APPL1: variants seen among roughly 807,000 people sequenced by gnomAD.
APPL1 encodes DCC-interacting protein 13-alpha.
In APPL1, 42 loss-of-function variants were observed where a neutral mutation model predicts 106.8. The observed-to-expected ratio is 0.39, with a 90% confidence interval of 0.31 to 0.51. APPL1 has a LOEUF of 0.51. Among genes scored for constraint, APPL1 ranks in the 20% least tolerant of loss-of-function variants. The probability of loss-of-function intolerance (pLI) is 0.75; values close to 1 mark genes in which losing one functional copy is unlikely to be tolerated. For missense variants in APPL1, 769 were observed against 858.2 expected (o/e 0.90, Z 1.30); for synonymous variants, 263 against 281.8 (o/e 0.93, Z 0.67).
intron 20 of APPL1, 169 bp from the exon 21 acceptor site, chr3:57,268,229 C>T: frequency 1.6e-6 from 1 of 639,028 alleles, no homozygotes; most frequent in Admixed American, 3.0e-5. Context: ...ACCAACATAG[C>T]ATTTAGAATT....
At chr3:57,253,315 A>G (rs1366122398) in intron 12 of APPL1, among the ~76,000 whole-genome samples, 1 of 152,156 alleles carries the variant, frequency 6.6e-6, no homozygotes, top group African/African-American at 2.4e-5. Context: ...AAGTGATATA[A>G]AAAGATAAAT....
chr3:57,257,296 C>T lies in APPL1; in HGVS notation c.1298C>T (p.Ser433Phe). ...ACCAGCAGTTCAGGATCCTTAGGAT[C>T]TGAGTCTACAAATTTGGCTGCCCTC... ...ARTSSSGSLG[S>F]ESTNLAALSL... Residue 433 changes from serine to phenylalanine, a missense_variant, in exon 15 of 22, where the codon TCT becomes TTT. Transcript: ENST00000288266. 6.2e-7 allele frequency: 1 copy of T among 1,614,158 alleles called. No individual in the cohort carries two copies. The highest frequency in any genetic ancestry group is 8.5e-7 in the Non-Finnish European group (1 of 1,180,030).
At chr3:57,262,385 CTTTT>C (rs373526618) in intron 19 of APPL1, among the ~76,000 whole-genome samples, 11 of 29,058 alleles carry the variant, frequency 3.8e-4, no homozygotes, top group Non-Finnish European at 5.6e-4. Flanking sequence ...GGAAAATAAC[CTTTT>C]TTTTTTTTTT....
At chr3:57,231,773 A>C (rs143112954) in intron 1 of APPL1, among the ~76,000 whole-genome samples, 1 of 150,366 alleles carries the variant, frequency 6.7e-6, no homozygotes, top group Non-Finnish European at 1.5e-5. Flanking sequence ...ACACCACTGC[A>C]CTCCAGCCTG....
chr3:57,268,683 A>G (rs2060912486), intron 21 of APPL1, 196 bp downstream of exon 21: 1 of 415,420 alleles, frequency 2.4e-6, no homozygotes, highest in Non-Finnish European at 4.0e-6. Flanking sequence ...AGTTACGTTG[A>G]CATGTAATAT....
chr3:57,241,223 C>T (rs2060744555), intron 5 of APPL1, among the ~76,000 whole-genome samples: 1 of 152,048 alleles, frequency 6.6e-6, no homozygotes. Flanking sequence ...TGTGGGAGTC[C>T]AGTGAGATAT....
Position 57,238,129 on chromosome 3 carries a change from T to C in APPL1, c.285+13T>C, listed in dbSNP as rs762892810. Reference sequence around the variant, plus strand: ...AGTTATAGATGAGGTAAACGTTTATTTTATTTTGCTTGATTAAATGGTCTT... The same window carrying C: ...AGTTATAGATGAGGTAAACGTTTATCTTATTTTGCTTGATTAAATGGTCTT... On this transcript the variant is annotated intron_variant, in intron 4 of 21. Transcript: ENST00000288266. The C allele has an allele frequency of 5.7e-6, 9 of 1,589,322 alleles. No individual in the cohort carries two copies. The highest frequency in any genetic ancestry group is 7.7e-6 in the Non-Finnish European group (9 of 1,164,266).
chr3:57,232,282 A>G (rs2060690733), intron 1 of APPL1, among the ~76,000 whole-genome samples: 2 of 152,216 alleles, frequency 1.3e-5, no homozygotes, highest in Admixed American at 1.3e-4. Flanking sequence ...TAATCATGAG[A>G]TGTGCCTTTC....
intron 8 of APPL1, among the ~76,000 whole-genome samples, chr3:57,246,464 C>A (rs1042066474): frequency 6.6e-6 from 1 of 152,164 alleles, no homozygotes; most frequent in Non-Finnish European, 1.5e-5. Context: ...TTCACCATAG[C>A]TGGGGACTGA....
chr3:57,244,682 G>T (rs1208603683), intron 7 of APPL1, among the ~76,000 whole-genome samples: 1 of 152,140 alleles, frequency 6.6e-6, no homozygotes, highest in Non-Finnish European at 1.5e-5. Context: ...CTATATTAAT[G>T]ACCTTGAAAT....
chr3:57,257,532 G>A (rs1288128508), intron 15 of APPL1, 104 bp downstream of exon 15: 55 of 1,016,038 alleles, frequency 5.4e-5, no homozygotes, highest in Non-Finnish European at 6.9e-5. Context: ...TATCAGCTAT[G>A]TTGTACTTTC....
At chr3:57,249,279 A>G (rs2060790750) in intron 10 of APPL1, 81 bp from the exon 11 acceptor site, 20 of 1,470,614 alleles carry the variant, frequency 1.4e-5, no homozygotes, top group Non-Finnish European at 1.7e-5. Context: ...GTTCATTGTA[A>G]CATGCTTTAT....
In APPL1 at chr3:57,257,343, C is replaced by T; in HGVS notation, c.1345C>T (p.Pro449Ser). 1 of 1,614,028 alleles carries T rather than the reference C, an allele frequency of 6.2e-7. No individual in the cohort carries two copies. Among genetic ancestry groups the T allele is most frequent in the South Asian group, 1.1e-5 (1 of 91,070 alleles). ...AALSLDSLVA[P>S]DTPIQFDIIS... ...CCTCTCTCTAGATTCTCTTGTTGCC[C>T]CAGACACCCCAATACAGTTTGACAT... Residue 449 changes from proline (P) to serine (S), a missense_variant, in exon 15 of 22, where the codon CCA becomes TCA. By Grantham distance (74) the Pro-to-Ser change is moderately conservative. Coordinates refer to ENST00000288266, the MANE Select transcript of APPL1 (RefSeq NM_012096.3).
intron 7 of APPL1, 47 bp downstream of exon 7, chr3:57,242,961 A>T: frequency 7.0e-7 from 1 of 1,432,028 alleles, no homozygotes; most frequent in Non-Finnish European, 9.8e-7. Context: ...ACTATTCATT[A>T]GGTGGTTTAG....
In APPL1 at chr3:57,248,210, A is replaced by G; in HGVS notation, c.722A>G (p.Asp241Gly). 6.2e-7 allele frequency: 1 copy of G among 1,612,726 alleles called. No individual in the cohort carries two copies. Among genetic ancestry groups the G allele is most frequent in the South Asian group, 1.1e-5 (1 of 90,766 alleles). Residue 241 changes from aspartate to glycine, a missense_variant, in exon 10 of 22, where the codon GAC (aspartate) becomes GGC (glycine). Coordinates refer to ENST00000288266, the MANE Select transcript of APPL1 (RefSeq NM_012096.3). ...TSVQNVRREMDSDIETMQQTI... is the reference protein window; with the variant it reads ...TSVQNVRREMGSDIETMQQTI... ...TGTGTCAGTGTTCGCAGGGAAATGG[A>G]CAGTGATATAGAGACCATGCAACAG...
intron 20 of APPL1, 168 bp downstream of exon 20, chr3:57,267,960 C>A: frequency 3.0e-6 from 2 of 672,540 alleles, no homozygotes; most frequent in Non-Finnish European, 5.1e-6. Flanking sequence ...GGTGTGGTGT[C>A]GTGCACCTGT....
intron 1 of APPL1, among the ~76,000 whole-genome samples, chr3:57,234,296 CTTTT>C (rs1212693146): frequency 8.1e-6 from 1 of 124,208 alleles, no homozygotes; most frequent in Admixed American, 8.2e-5. Flanking sequence ...TATTGACATT[CTTTT>C]TTTTTTTTTT....
intron 15 of APPL1, 162 bp from the exon 16 acceptor site, chr3:57,258,866 C>G (rs2060850748): frequency 3.6e-6 from 2 of 552,366 alleles, no homozygotes; most frequent in South Asian, 5.1e-5. Flanking sequence ...AGGGCAGAGG[C>G]CTTCATCATA....
intron 6 of APPL1, 107 bp downstream of exon 6, chr3:57,242,249 A>T (rs2060750344): frequency 1.2e-6 from 1 of 801,318 alleles, no homozygotes; most frequent in Non-Finnish European, 2.0e-6. Flanking sequence ...CCAATTAAAA[A>T]TAAGTGAACA....
Sources: gnomAD v4.1 joint callset for allele counts (sites outside exome capture counted in the v4.1 genomes callset) on GRCh38, gnomAD v4.1.1 for gene constraint, MANE v1.5 for transcripts, NCBI Gene and HGNC (gene_info 2026-07-23, HGNC 2026-07-21) for gene names.